The following CD8B variants were observed in gnomAD, a reference collection of about 807,000 sequenced individuals.
CD8B encodes CD8 subunit beta.
Under a neutral mutation model 24.2 loss-of-function variants are expected in CD8B, and 6 were observed. That is an observed-to-expected ratio of 0.25 (90% CI 0.14 to 0.49). CD8B has a LOEUF of 0.49. CD8B is among the 20% of genes least tolerant of loss of function. CD8B has a pLI of 0.98. For synonymous variants in CD8B, 84 were observed against 108.3 expected, an observed-to-expected ratio of 0.78 and a Z score of 1.39; for missense variants, 196 against 271.3, an observed-to-expected ratio of 0.72 and a Z score of 1.95.
chr2:86,836,658 C>T (rs10168023), downstream of CD8B, among the ~76,000 whole-genome samples: 2,469 of 151,764 alleles, frequency 0.016, 97 homozygotes, highest in East Asian at 0.12. Context: ...CATGCTGGTG[C>T]GCACCTGTAG....
At chr2:86,860,288 A>AAAAAAT (rs1321574349) in intron 1 of CD8B, among the ~76,000 whole-genome samples, 2 of 152,154 alleles carry the variant, frequency 1.3e-5, no homozygotes, top group Admixed American at 6.5e-5. Flanking sequence ...AAAAATTATT[A>AAAAAAT]AAAAATAAAA....
rs1444778121 is a variant in CD8B, at chr2:86,841,359, G to C, written c.*948C>G. 6.6e-6 allele frequency among the ~76,000 whole-genome samples: 1 copy of C among 150,426 alleles called. No homozygotes were observed. The highest frequency in any genetic ancestry group is 2.4e-5 in the African/African-American group (1 of 40,846). ...AAATGAACACGTGCTAGTTCAGCTTGGGAGTGGGCTGGGAGAGGGGCCTGA... is the reference window on the plus strand; with the variant it reads ...AAATGAACACGTGCTAGTTCAGCTTCGGAGTGGGCTGGGAGAGGGGCCTGA... On this transcript the variant is annotated 3_prime_UTR_variant, in exon 6 of 6. Coordinates refer to ENST00000390655, the MANE Select transcript of CD8B (RefSeq NM_004931.5).
At position 86,842,418 on chromosome 2, in the gene CD8B, A is replaced by C. The variant is rs1272217441; in HGVS notation, c.621-99T>G. 29 of 1,520,438 alleles carry C rather than the reference A, an allele frequency of 1.9e-5. No homozygotes were observed. In the East Asian group the frequency reaches 6.4e-4, roughly 34 times the overall value. 94.2% of individuals were successfully genotyped at this position (1,520,438 alleles called of 1,614,324 possible). On this transcript the variant is annotated intron_variant, in intron 5 of 5. Coordinates refer to ENST00000390655, the MANE Select transcript of CD8B (RefSeq NM_004931.5). ...ATGGCAAATGAGAATGCAGAGTTCT[A>C]CTCCAAGTAGCCTGGGGCCGAGAGT...
At chr2:86,854,887 G>A (rs1292331969) in intron 2 of CD8B, among the ~76,000 whole-genome samples, 25 of 152,210 alleles carry the variant, frequency 1.6e-4, no homozygotes, top group African/African-American at 5.5e-4. Context: ...TTGGGAGGCC[G>A]AGGCAGGCAG....
At chr2:86,834,180 A>T (rs1573501098), downstream of CD8B, among the ~76,000 whole-genome samples, 1 of 152,186 alleles carries the variant, frequency 6.6e-6, no homozygotes, top group East Asian at 1.9e-4. Context: ...CCTAATTCAT[A>T]TTAAACACTA....
In CD8B at chr2:86,843,239, C is replaced by T. The variant is rs112760579; in HGVS notation, c.621-920G>A. ...TCTCGAGTAGCTGGGATTACATAGG[C>T]GCCTGCCACCACGTCCAGTTAATTT... is the stretch of plus-strand genomic sequence containing the variant. On this transcript the variant is annotated intron_variant, in intron 5 of 5. Coordinates refer to ENST00000390655, the MANE Select transcript of CD8B (RefSeq NM_004931.5). 1,333 of 154,526 alleles carry T rather than the reference C, an allele frequency of 8.6e-3. 11 individuals are homozygous for T. Among genetic ancestry groups the T allele is most frequent in the Non-Finnish European group, 0.013 (915 of 70,248 alleles). The allele number at this position is 154,526 out of a possible 1,614,324, so 9.6% of individuals were successfully genotyped here. A position where few individuals can be genotyped will look rare whatever the true frequency, so the allele number is the denominator to read the frequency against.
rs1675313782 is a variant in CD8B at position 86,839,373 on chromosome 2, T to C, written c.*2934A>G. 6.6e-6 allele frequency among the ~76,000 whole-genome samples: 1 copy of C among 152,252 alleles called. No individual in the cohort carries two copies. The highest frequency in any genetic ancestry group is 1.5e-5 in the Non-Finnish European group (1 of 68,048). ...GAAGGAACAATCTGATGCGTATTTCTTTGTGCATGCCACTTTTTGATGTAT... is the reference window on the plus strand; with the variant it reads ...GAAGGAACAATCTGATGCGTATTTCCTTGTGCATGCCACTTTTTGATGTAT... On this transcript the variant is annotated 3_prime_UTR_variant, in exon 6 of 6. Transcript: ENST00000390655.
At chr2:86,856,794 C>T (rs1001207448) in intron 2 of CD8B, among the ~76,000 whole-genome samples, 1 of 149,010 alleles carries the variant, frequency 6.7e-6, no homozygotes, top group African/African-American at 2.5e-5. Flanking sequence ...CAGTCTGAAT[C>T]GAGATGAGCC....
chr2:86,859,057 C>T (rs1573530355), intron 1 of CD8B, among the ~76,000 whole-genome samples: 1 of 152,078 alleles, frequency 6.6e-6, no homozygotes, highest in East Asian at 1.9e-4. Flanking sequence ...TGCCTTTCAC[C>T]TCCCCTGGCT....
chr2:86,829,228 T>G (rs113958550), intron 5 of CD8B, among the ~76,000 whole-genome samples: 8,224 of 148,790 alleles, frequency 0.055, 313 homozygotes, highest in Middle Eastern at 0.094. Flanking sequence ...AGCCTCAGCC[T>G]CCTGAGTAGC....
downstream of CD8B, among the ~76,000 whole-genome samples, chr2:86,838,120 T>A (rs1675252335): frequency 6.6e-6 from 1 of 152,278 alleles, no homozygotes; most frequent in Non-Finnish European, 1.5e-5. Context: ...CGTTTGTGGA[T>A]ATTTTTATTG....
intron 3 of CD8B, 95 bp from the exon 4 acceptor site, chr2:86,846,868 C>G: frequency 2.8e-6 from 2 of 715,696 alleles, no homozygotes; most frequent in African/African-American, 1.8e-5. Context: ...CAACTGGAAG[C>G]CCCACCTCCC....
rs1319930734 is a variant in CD8B at position 86,824,938 on chromosome 2, T to G, written c.621-9220A>C. Reference sequence around the variant, plus strand: ...TCTTTATAGTCAACCACTTAGGTTGTTCTATTGTTATTTCTAGAACACATA... The same window carrying G: ...TCTTTATAGTCAACCACTTAGGTTGGTCTATTGTTATTTCTAGAACACATA... On this transcript the variant is annotated intron_variant, in intron 5 of 5. Coordinates refer to the CD8B transcript ENST00000331469. 2.0e-5 allele frequency among the ~76,000 whole-genome samples: 3 copies of G among 152,210 alleles called. No individual in the cohort carries two copies. The East Asian group carries it at 5.8e-4, about 29-fold the overall frequency.
chr2:86,842,055 C>T lies in CD8B; in HGVS notation c.*252G>A, dbSNP rs1476123663. The T allele has an allele frequency of 8.0e-7, 1 of 1,247,716 alleles. No homozygotes were observed. 77.3% of individuals were successfully genotyped at this position (1,247,716 alleles called of 1,614,324 possible). ...GGTGGCATGGGCAGCATTTCTTACT[C>T]AGTCCTCCAGCACACTCTGTGAAGT... On this transcript the variant is annotated 3_prime_UTR_variant, in exon 6 of 6. Transcript: ENST00000390655.
At chr2:86,815,692 G>A (rs1228094829) in exon 6 of CD8B, 3 of 1,610,562 alleles carry the variant, frequency 1.9e-6, no homozygotes, top group South Asian at 1.1e-5. Context: ...GGGGACAAAG[G>A]TTCCTGATAT....
downstream of CD8B, among the ~76,000 whole-genome samples, chr2:86,833,690 C>A (rs1399794967): frequency 6.4e-4 from 90 of 140,546 alleles, no homozygotes; most frequent in African/African-American, 2.3e-3. Context: ...GGGACAGAGC[C>A]TTGCTCTGTT....
Position 86,853,043 on chromosome 2 carries a change from G to A in CD8B, c.447C>T (p.Thr149=), listed in dbSNP as rs1248392925. The A allele has an allele frequency of 1.0e-5, 16 of 1,543,660 alleles. No homozygotes were observed. The Admixed American group carries it at 2.8e-4, about 27-fold the overall frequency. ...GTAACCGGCACACTCTCTTCTTGAG[G>A]GTGGACTTCTTGGTGGGCTGGGCAG... ...PTTAQPTKKS[T]LKKRVCRLPR... The change falls in exon 3 of 6, where the codon ACC becomes ACT. Residue 149 remains threonine, a synonymous_variant. Transcript: ENST00000390655.
At chr2:86,846,639 A>G in intron 4 of CD8B, 45 bp downstream of exon 4, 1 of 960,306 alleles carries the variant, frequency 1.0e-6, no homozygotes, top group Non-Finnish European at 1.6e-6. Flanking sequence ...GGACACTTCA[A>G]ACAGCAAACA....
intron 5 of CD8B, among the ~76,000 whole-genome samples, chr2:86,829,964 C>G (rs1279705713): frequency 6.6e-6 from 1 of 152,182 alleles, no homozygotes; most frequent in East Asian, 1.9e-4. Context: ...GAACATCTTT[C>G]CACTTATTAA....
Sources: allele counts gnomAD v4.1 joint callset (sites outside exome capture counted in the v4.1 genomes callset), GRCh38; gene constraint gnomAD v4.1.1; transcripts MANE v1.5; gene names NCBI Gene and HGNC (gene_info 2026-07-23, HGNC 2026-07-21).